Variants in RSPO2 observed in about 807,000 individuals in gnomAD.
The protein encoded by RSPO2 is R-spondin 2, also known as R-spondin-2.
In RSPO2, 14 loss-of-function variants were observed where a neutral mutation model predicts 30.9. The ratio of observed to expected loss-of-function variants is 0.45; its 90% CI spans 0.30 to 0.71. The LOEUF is 0.71. RSPO2 is among the 30% of genes least tolerant of loss of function. RSPO2 has a pLI of 0.08. For missense variants in RSPO2, 264 were observed against 301.9 expected (o/e 0.87, Z 0.93); for synonymous variants, 107 against 96.4 (o/e 1.11, Z -0.64).
At chr8:108,022,218 C>T (rs865889531) in intron 2 of RSPO2, among the ~76,000 whole-genome samples, 11 of 152,252 alleles carry the variant, frequency 7.2e-5, no homozygotes, top group Middle Eastern at 3.4e-3. Flanking sequence ...ATCTTTAGTA[C>T]CTTTCAGAGG....
rs191345824 is a variant in RSPO2, at chr8:108,038,771, C to G, written c.94+43774G>C. Among the ~76,000 whole-genome samples, 502 of 151,384 alleles carry G rather than the reference C, an allele frequency of 3.3e-3. 1 individual carries two copies. The highest frequency in any genetic ancestry group is 5.6e-3 in the Non-Finnish European group (379 of 67,824). ...ATTGTTAGTGGGTTTTTTTTTTTAG[C>G]AATAAAGTACTTTTTAATTAAAGAA... On this transcript the variant is annotated intron_variant, in intron 2 of 5. Coordinates refer to ENST00000276659, the MANE Select transcript of RSPO2 (RefSeq NM_178565.5).
intron 3 of RSPO2, among the ~76,000 whole-genome samples, chr8:107,965,846 C>T (rs1448674024): frequency 6.6e-6 from 1 of 152,206 alleles, no homozygotes; most frequent in African/African-American, 2.4e-5. Context: ...AACTGCAAAT[C>T]ATATGGAAGA....
At chr8:107,953,014 G>A (rs1293537168) in intron 5 of RSPO2, among the ~76,000 whole-genome samples, 1 of 152,192 alleles carries the variant, frequency 6.6e-6, no homozygotes, top group East Asian at 1.9e-4. Context: ...AAGAATTGCT[G>A]TGTGGTTACT....
intron 5 of RSPO2, among the ~76,000 whole-genome samples, chr8:107,948,840 A>G (rs900790900): frequency 3.0e-4 from 45 of 147,880 alleles, no homozygotes; most frequent in Non-Finnish European, 5.8e-4. Flanking sequence ...AGCCTGGGCA[A>G]CAGAGCAAGA....
chr8:107,907,649 T>C (rs1811694237), intron 5 of RSPO2, among the ~76,000 whole-genome samples: 1 of 152,062 alleles, frequency 6.6e-6, no homozygotes, highest in Admixed American at 6.6e-5. Context: ...CCAAAATAAA[T>C]AACGGACAAA....
chr8:108,041,280 T>A (rs1811750536), intron 2 of RSPO2, among the ~76,000 whole-genome samples: 1 of 145,790 alleles, frequency 6.9e-6, no homozygotes, highest in Admixed American at 6.9e-5. Context: ...AAGAAAAGAA[T>A]GGTAAGAGCA....
intron 5 of RSPO2, among the ~76,000 whole-genome samples, chr8:107,932,528 G>A (rs1812583036): frequency 6.6e-6 from 1 of 152,120 alleles, no homozygotes; most frequent in African/African-American, 2.4e-5. Flanking sequence ...GAAAGAGCTG[G>A]TAGAGAAAAG....
At chr8:108,010,351 C>G (rs376634420) in intron 2 of RSPO2, among the ~76,000 whole-genome samples, 1 of 152,128 alleles carries the variant, frequency 6.6e-6, no homozygotes, top group Non-Finnish European at 1.5e-5. Context: ...GTGGGAAACA[C>G]AAGAAGATAG....
chr8:107,982,697 C>A (rs1814487032), intron 3 of RSPO2, among the ~76,000 whole-genome samples: 1 of 152,120 alleles, frequency 6.6e-6, no homozygotes, highest in Non-Finnish European at 1.5e-5. Flanking sequence ...AGAATAGCGA[C>A]CCAACAAAAA....
chr8:108,001,010 TA>T (rs971290879), intron 2 of RSPO2, among the ~76,000 whole-genome samples: 1 of 141,926 alleles, frequency 7.0e-6, no homozygotes, highest in Non-Finnish European at 1.5e-5. Flanking sequence ...CTTAAAAAAA[TA>T]AAAATAAATA....
chr8:107,934,405 T>A (rs1418241154), intron 5 of RSPO2, among the ~76,000 whole-genome samples: 2 of 151,378 alleles, frequency 1.3e-5, no homozygotes, highest in Admixed American at 1.3e-4. Flanking sequence ...AGAGTTTCAC[T>A]CTTGTTGCCC....
intron 3 of RSPO2, among the ~76,000 whole-genome samples, chr8:107,964,399 C>T (rs906732564): frequency 1.3e-5 from 2 of 152,312 alleles, no homozygotes; most frequent in South Asian, 2.1e-4. Context: ...CATGCGCCAC[C>T]ATGCCCAGCT....
chr8:107,944,397 G>A (rs571235706), intron 5 of RSPO2, among the ~76,000 whole-genome samples: 39 of 152,206 alleles, frequency 2.6e-4, no homozygotes, highest in African/African-American at 9.4e-4. Context: ...AAGATTGTAA[G>A]CCACTTAAAG....
chr8:107,965,695 G>A (rs1390083404), intron 3 of RSPO2, among the ~76,000 whole-genome samples: 2 of 151,954 alleles, frequency 1.3e-5, no homozygotes, highest in African/African-American at 4.8e-5. Context: ...TTGGAAACAT[G>A]GTGGAGTTTT....
At chr8:108,082,266 A>T (rs1270015196) in intron 2 of RSPO2, among the ~76,000 whole-genome samples, 2 of 152,212 alleles carry the variant, frequency 1.3e-5, no homozygotes, top group Non-Finnish European at 2.9e-5. Flanking sequence ...GGCGGCGAAC[A>T]TGAGTGCGGA....
chr8:107,983,465 A>G (rs1332350973), intron 3 of RSPO2: 21 of 1,597,952 alleles, frequency 1.3e-5, no homozygotes, highest in Non-Finnish European at 1.8e-5. Context: ...CCCCTTTCTC[A>G]GAAGTACAGC....
intron 5 of RSPO2, among the ~76,000 whole-genome samples, chr8:107,914,569 CAT>C (rs1328353564): frequency 2.0e-5 from 3 of 151,784 alleles, no homozygotes; most frequent in Admixed American, 6.6e-5. Context: ...AAAGCTATAA[CAT>C]AGTTATAATA....
At position 107,899,565 on chromosome 8, in the gene RSPO2, T is replaced by C. The variant is rs113245617; in HGVS notation, c.*1510A>G. The C allele has an allele frequency of 7.9e-5, 12 of 152,762 alleles. No individual in the cohort carries two copies. Among genetic ancestry groups the C allele is most frequent in the African/African-American group, 2.6e-4 (11 of 41,580 alleles). 9.5% of individuals were successfully genotyped at this position (152,762 alleles called of 1,614,324 possible). On this transcript the variant is annotated 3_prime_UTR_variant, in exon 6 of 6. Transcript: ENST00000276659. ...CGATGTATATGATATTTATCCTTAT[T>C]GGTAAGATGCTTTTGAATCAAAAGT...
chr8:108,057,084 A>AAAAAAAAAAAAAAAAAAAAC (rs1812277528), intron 2 of RSPO2, among the ~76,000 whole-genome samples: 1 of 128,248 alleles, frequency 7.8e-6, no homozygotes, highest in Non-Finnish European at 1.7e-5. Context: ...AAAAAAAAAA[A>AAAAAAAAAAAAAAAAAAAAC]AAAAAAAAGA....
Sources: gnomAD v4.1 joint callset for allele counts (sites outside exome capture counted in the v4.1 genomes callset) on GRCh38, gnomAD v4.1.1 for gene constraint, MANE v1.5 for transcripts, NCBI Gene and HGNC (gene_info 2026-07-23, HGNC 2026-07-21) for gene names.